The following NGEF variants were observed in gnomAD, a reference collection of about 807,000 sequenced individuals.
The protein encoded by NGEF is neuronal guanine nucleotide exchange factor.
In NGEF, 31 loss-of-function variants were observed where a neutral mutation model predicts 80.9. The ratio of observed to expected loss-of-function variants is 0.38; its 90% CI spans 0.29 to 0.52. The LOEUF is 0.52. Among genes scored for constraint, NGEF ranks in the 20% least tolerant of loss-of-function variants. NGEF has a pLI of 0.84. For missense variants in NGEF, 709 were observed against 926.2 expected (o/e 0.77, Z 3.04); for synonymous variants, 371 against 370.2 (o/e 1.00, Z -0.03).
intron 1 of NGEF, among the ~76,000 whole-genome samples, chr2:232,998,849 C>T (rs1345801925): frequency 1.3e-5 from 2 of 152,188 alleles, no homozygotes; most frequent in Non-Finnish European, 2.9e-5. Flanking sequence ...CGACACACCC[C>T]AGGAGCCTCT....
intron 1 of NGEF, among the ~76,000 whole-genome samples, chr2:233,008,770 CTTTTTTT>C (rs1443585932): frequency 6.6e-6 from 1 of 151,578 alleles, no homozygotes; most frequent in African/African-American, 2.4e-5. Flanking sequence ...TTTCTTTTTC[CTTTTTTT>C]AAAAAACTTT....
rs1047399582 is a variant in NGEF at position 232,888,982 on chromosome 2, G to A, written c.1273-875C>T. 5.9e-5 allele frequency among the ~76,000 whole-genome samples: 9 copies of A among 152,182 alleles called. No individual in the cohort carries two copies. In the East Asian group the frequency reaches 1.7e-3, roughly 29 times the overall value. On this transcript the variant is annotated intron_variant, in intron 8 of 14. Coordinates refer to ENST00000264051, the MANE Select transcript of NGEF (RefSeq NM_019850.3). ...GGCTTTTGTCCTGTAAGTAGGCTGG[G>A]TGCATCTGGGCACCAACCACCTGTC...
chr2:232,924,236 C>G (rs1453189399), intron 4 of NGEF, among the ~76,000 whole-genome samples: 2 of 152,010 alleles, frequency 1.3e-5, no homozygotes, highest in African/African-American at 4.8e-5. Flanking sequence ...GGCTCCATCC[C>G]CAAAATAAAT....
chr2:232,922,898 C>CT (rs2106279125), intron 4 of NGEF, among the ~76,000 whole-genome samples: 1 of 152,064 alleles, frequency 6.6e-6, no homozygotes, highest in African/African-American at 2.4e-5. Flanking sequence ...GGCCAAACTC[C>CT]GTCTCTACTA....
chr2:232,889,739 G>A (rs1691816244), intron 8 of NGEF, among the ~76,000 whole-genome samples: 1 of 152,144 alleles, frequency 6.6e-6, no homozygotes, highest in Non-Finnish European at 1.5e-5. Context: ...TTAGCCCTGG[G>A]CCAGGGGCTT....
At chr2:232,976,256 C>T (rs1418430060) in intron 1 of NGEF, among the ~76,000 whole-genome samples, 1 of 152,154 alleles carries the variant, frequency 6.6e-6, no homozygotes, top group Admixed American at 6.6e-5. Flanking sequence ...TCCAGCTCAA[C>T]CAGTGTTCTA....
intron 3 of NGEF, chr2:232,969,972 C>G (rs1694151626): frequency 4.3e-6 from 1 of 233,336 alleles, no homozygotes; most frequent in Non-Finnish European, 8.2e-6. Flanking sequence ...TGAGGCCAGC[C>G]TGGGTAACAT....
intron 3 of NGEF, among the ~76,000 whole-genome samples, chr2:232,967,256 A>G (rs1694080883): frequency 6.6e-6 from 1 of 152,116 alleles, no homozygotes; most frequent in Non-Finnish European, 1.5e-5. Flanking sequence ...AAGCTTCCTG[A>G]GGCCTCCACA....
At chr2:232,906,394 T>G (rs1212282677) in intron 5 of NGEF, among the ~76,000 whole-genome samples, 4 of 87,452 alleles carry the variant, frequency 4.6e-5, no homozygotes, top group Admixed American at 1.3e-4. Flanking sequence ...GGGAGGGAGG[T>G]GGGGGGGTCA....
At chr2:232,936,583 A>G (rs1487886434) in intron 3 of NGEF, among the ~76,000 whole-genome samples, 1 of 152,208 alleles carries the variant, frequency 6.6e-6, no homozygotes, top group African/African-American at 2.4e-5. Flanking sequence ...CCAAGCCTCA[A>G]TAAGAACTCT....
chr2:232,903,539 C>T (rs1172040993), intron 5 of NGEF, among the ~76,000 whole-genome samples: 3 of 152,168 alleles, frequency 2.0e-5, no homozygotes, highest in African/African-American at 7.2e-5. Context: ...AGTCCTTTTG[C>T]ACCTTTTGAA....
At chr2:232,913,954 G>A (rs1398646370) in intron 5 of NGEF, among the ~76,000 whole-genome samples, 1 of 151,818 alleles carries the variant, frequency 6.6e-6, no homozygotes, top group African/African-American at 2.4e-5. Context: ...AAATAATTTT[G>A]TGTTTGTACC....
intron 1 of NGEF, among the ~76,000 whole-genome samples, chr2:233,002,504 C>T (rs1481176458): frequency 2.0e-5 from 3 of 152,028 alleles, no homozygotes; most frequent in African/African-American, 4.8e-5. Context: ...ATAGCAAGAC[C>T]CTGTCTCTAC....
chr2:232,899,030 A>C (rs1177159905), intron 5 of NGEF, among the ~76,000 whole-genome samples: 1 of 151,330 alleles, frequency 6.6e-6, no homozygotes, highest in Non-Finnish European at 1.5e-5. Flanking sequence ...GTGTGAGTGA[A>C]TATGAGGGTG....
At chr2:232,972,619 A>T (rs1006236903) in intron 2 of NGEF, among the ~76,000 whole-genome samples, 5 of 151,668 alleles carry the variant, frequency 3.3e-5, no homozygotes, top group African/African-American at 1.2e-4. Flanking sequence ...TTATTTTTTG[A>T]TCTGTAAAAT....
chr2:232,899,645 C>G (rs576707408), intron 5 of NGEF, among the ~76,000 whole-genome samples: 2 of 122,350 alleles, frequency 1.6e-5, no homozygotes, highest in South Asian at 5.5e-4. Flanking sequence ...CTCATATACA[C>G]GTTCACTCAC....
chr2:232,893,331 C>G (rs1000114084), intron 6 of NGEF, among the ~76,000 whole-genome samples: 1 of 152,174 alleles, frequency 6.6e-6, no homozygotes, highest in African/African-American at 2.4e-5. Context: ...AAATAGATGA[C>G]CATGGGGATC....
rs932825880 is a variant in NGEF, at chr2:232,881,057, C to A, written c.1942+89G>T. 1.3e-5 allele frequency: 13 copies of A among 987,656 alleles called. No homozygotes were observed. The African/African-American group carries it at 1.9e-4, about 14-fold the overall frequency. 61.2% of individuals were successfully genotyped at this position (987,656 alleles called of 1,614,324 possible). ...CATGGCAGGACACCAGCCTGTCAGA[C>A]AGTGGTGGCATCTGCTTCTCCCCCT... On this transcript the variant is annotated intron_variant, in intron 14 of 14. Transcript: ENST00000264051.
intron 13 of NGEF, among the ~76,000 whole-genome samples, chr2:232,881,709 G>A (rs1691510048): frequency 1.3e-5 from 2 of 150,416 alleles, no homozygotes; most frequent in Non-Finnish European, 3.0e-5. Context: ...CAGCTTCCAA[G>A]TAGTTAGGAT....
Sources: gnomAD v4.1 joint callset for allele counts (sites outside exome capture counted in the v4.1 genomes callset) on GRCh38, gnomAD v4.1.1 for gene constraint, MANE v1.5 for transcripts, NCBI Gene and HGNC (gene_info 2026-07-23, HGNC 2026-07-21) for gene names.